Variants in PDXDC1 observed in about 807,000 individuals in gnomAD.
PDXDC1 encodes the protein pyridoxal-dependent decarboxylase domain-containing protein 1.
A neutral mutation model predicts 100.1 loss-of-function variants in PDXDC1; 42 were observed. The ratio of observed to expected loss-of-function variants is 0.42; its 90% confidence interval spans 0.33 to 0.54. The LOEUF (loss-of-function observed/expected upper bound fraction) is 0.54, where lower values mean the gene tolerates loss of function less well. Among genes scored for constraint, PDXDC1 ranks in the 20% least tolerant of loss-of-function variants. The probability of loss-of-function intolerance (pLI) is 0.10; values close to 1 mark genes in which losing one functional copy is unlikely to be tolerated. For synonymous variants in PDXDC1, 260 were observed against 371.7 expected, an observed-to-expected ratio of 0.70 and a Z score of 3.46; for missense variants, 636 against 979.2, an observed-to-expected ratio of 0.65 and a Z score of 4.68.
intron 16 of PDXDC1, among the ~76,000 whole-genome samples, chr16:15,043,663 A>T (rs1597776834): frequency 6.6e-6 from 1 of 152,134 alleles, no homozygotes; most frequent in East Asian, 1.9e-4. Context: ...ATATTTGCTA[A>T]TTTAGGCCAG....
At chr16:15,039,688 C>G (rs1228526532), downstream of PDXDC1, among the ~76,000 whole-genome samples, 4 of 152,160 alleles carry the variant, frequency 2.6e-5, no homozygotes, top group Non-Finnish European at 4.4e-5. Context: ...AAAGCTCTTA[C>G]AAAGTAACAG....
rs894856153 is a variant in PDXDC1 at position 15,037,364 on chromosome 16, T to C, written c.*1089T>C. On this transcript the variant is annotated 3_prime_UTR_variant, in exon 23 of 23. Coordinates refer to ENST00000396410, the MANE Select transcript of PDXDC1 (RefSeq NM_015027.4). The stretch of plus-strand genomic sequence containing the variant: ...TTTGGGAGACCTGAAAATGGGAAAA[T>C]TCACACTGGGTTTCTGGACTGTAGT... 1 of 152,222 alleles carries C rather than the reference T, an allele frequency of 6.6e-6. No individual in the cohort carries two copies. Among genetic ancestry groups the C allele is most frequent in the African/African-American group, 2.4e-5 (1 of 41,446 alleles). The allele number at this position is 152,222 out of a possible 1,614,324, so 9.4% of individuals were successfully genotyped here.
intron 16 of PDXDC1, chr16:15,133,536 C>T (rs1029130672): frequency 1.1e-5 from 11 of 968,712 alleles, no homozygotes; most frequent in South Asian, 5.6e-5. Flanking sequence ...TGCACCACCA[C>T]GGCCAGGCCC....
At chr16:15,124,658 C>G (rs1236441985) in intron 16 of PDXDC1, among the ~76,000 whole-genome samples, 2 of 150,928 alleles carry the variant, frequency 1.3e-5, no homozygotes, top group East Asian at 3.9e-4. Flanking sequence ...TGTAGTCCCA[C>G]CTACTTGGGA....
At chr16:14,993,765 T>TA (rs1172426632) in intron 1 of PDXDC1, among the ~76,000 whole-genome samples, 67 of 152,410 alleles carry the variant, frequency 4.4e-4, no homozygotes, top group African/African-American at 1.5e-3. Flanking sequence ...GCCAACAGTG[T>TA]AAAAGTGTTC....
chr16:15,044,237 C>G (rs1443291826), intron 16 of PDXDC1: 1 of 790,732 alleles, frequency 1.3e-6, no homozygotes, highest in African/African-American at 1.7e-5. Flanking sequence ...TGGGTGTGCC[C>G]TTCTTGGGTT....
chr16:15,124,242 C>CA (rs1473456930), intron 16 of PDXDC1, among the ~76,000 whole-genome samples: 3 of 152,294 alleles, frequency 2.0e-5, no homozygotes, highest in African/African-American at 7.2e-5. Context: ...CCCCACTGTC[C>CA]ATCACCTTTC....
Position 15,066,132 on chromosome 16 carries a change from G to C in PDXDC1, c.1399+36076G>C, listed in dbSNP as rs546360462. Among the ~76,000 whole-genome samples the C allele has an allele frequency of 1.8e-3, 274 of 152,280 alleles. 1 individual carries two copies. The highest frequency in any genetic ancestry group is 5.3e-3 in the African/African-American group (222 of 41,542). The stretch of plus-strand genomic sequence containing the variant: ...ATGGCAACTTCAAGCCACATACTTT[G>C]ATTTCTGTCCTGTTAGCCAAGGCTC... On this transcript the variant is annotated intron_variant, in intron 16 of 16. Transcript: ENST00000535621.
intron 16 of PDXDC1, among the ~76,000 whole-genome samples, chr16:15,113,226 A>AG (rs2047139840): frequency 6.1e-5 from 1 of 16,524 alleles, no homozygotes; most frequent in Non-Finnish European, 1.7e-4. Context: ...AGAAAAGAAA[A>AG]AAAAAAAAAA....
At chr16:15,072,587 G>C (rs1567197714) in intron 16 of PDXDC1, among the ~76,000 whole-genome samples, 1 of 152,042 alleles carries the variant, frequency 6.6e-6, no homozygotes, top group Non-Finnish European at 1.5e-5. Context: ...CAGATCACTT[G>C]TGGTCAGGAG....
Position 15,037,943 on chromosome 16 carries a change from C to T in PDXDC1, c.*1668C>T. 1.1e-6 allele frequency: 1 copy of T among 903,946 alleles called. No individual in the cohort carries two copies. Among genetic ancestry groups the T allele is most frequent in the South Asian group, 1.6e-5 (1 of 60,688 alleles). The allele number at this position is 903,946 out of a possible 1,614,324, so 56.0% of individuals were successfully genotyped here. On this transcript the variant is annotated 3_prime_UTR_variant, in exon 23 of 23. Coordinates refer to ENST00000396410, the MANE Select transcript of PDXDC1 (RefSeq NM_015027.4). ...GGAGGGAAGGAGGCCTAAGACCCAA[C>T]AGATGTAGGATCCAGATCTGGATTC...
intron 16 of PDXDC1, chr16:15,055,724 G>C (rs953662450): frequency 2.6e-6 from 1 of 386,626 alleles, no homozygotes; most frequent in Non-Finnish European, 4.5e-6. Context: ...GTCTAAAGAA[G>C]GCAAAAACTC....
At chr16:15,001,675 A>C (rs1474023352) in intron 3 of PDXDC1, 101 bp from the exon 4 acceptor site, 40 of 1,029,330 alleles carry the variant, frequency 3.9e-5, no homozygotes, top group Non-Finnish European at 5.4e-5. Context: ...AGAAAGAAAA[A>C]AAAAACTTGA....
chr16:15,084,093 T>C (rs1251494629), intron 16 of PDXDC1, among the ~76,000 whole-genome samples: 1 of 152,218 alleles, frequency 6.6e-6, no homozygotes. Flanking sequence ...TTAACTCTGA[T>C]ATCAACAGCA....
intron 1 of PDXDC1, among the ~76,000 whole-genome samples, chr16:14,985,590 A>G (rs1404371640): frequency 6.6e-6 from 1 of 152,234 alleles, no homozygotes; most frequent in Non-Finnish European, 1.5e-5. Context: ...TGGCCTTGCC[A>G]ATTTATAATT....
chr16:15,074,364 G>GACCCTCTAAACTCAAT (rs1163413719), intron 16 of PDXDC1, among the ~76,000 whole-genome samples: 1 of 152,184 alleles, frequency 6.6e-6, no homozygotes, highest in Non-Finnish European at 1.5e-5. Context: ...GCCAGGCAAA[G>GACCCTCTAAACTCAAT]ACCCTCTAAA....
chr16:15,143,365 T>C (rs1013016550), downstream of PDXDC1, among the ~76,000 whole-genome samples: 1 of 152,120 alleles, frequency 6.6e-6, no homozygotes, highest in African/African-American at 2.4e-5. Context: ...TCCACACCCC[T>C]GTCACAGGTG....
At chr16:15,054,134 C>T (rs921545654) in intron 16 of PDXDC1, among the ~76,000 whole-genome samples, 1 of 152,220 alleles carries the variant, frequency 6.6e-6, no homozygotes, top group African/African-American at 2.4e-5. Flanking sequence ...CTGCCCGCCG[C>T]GCCCCAGGCG....
intron 19 of PDXDC1, among the ~76,000 whole-genome samples, 195 bp downstream of exon 19, chr16:15,033,594 T>A (rs1329450579): frequency 6.6e-6 from 1 of 152,218 alleles, no homozygotes; most frequent in African/African-American, 2.4e-5. Flanking sequence ...GCCCCAGTGA[T>A]CTCACAAGCT....
Sources: gnomAD v4.1 joint callset for allele counts (sites outside exome capture counted in the v4.1 genomes callset) on GRCh38, gnomAD v4.1.1 for gene constraint, MANE v1.5 for transcripts, NCBI Gene and HGNC (gene_info 2026-07-23, HGNC 2026-07-21) for gene names.